JAZF1: variants seen among roughly 807,000 people sequenced by gnomAD.
JAZF1 encodes the protein juxtaposed with another zinc finger protein 1.
A neutral mutation model predicts 26.4 loss-of-function variants in JAZF1; 8 were observed. The observed-to-expected ratio is 0.30, with a 90% CI of 0.18 to 0.55. JAZF1 has a LOEUF of 0.55. Among genes scored for constraint, JAZF1 ranks in the 20% least tolerant of loss-of-function variants. The pLI is 0.94. For missense variants in JAZF1, 199 were observed against 322.0 expected (o/e 0.62, Z 2.92); for synonymous variants, 126 against 122.3 (o/e 1.03, Z -0.20).
rs563907419 is a variant in JAZF1, at chr7:27,901,763, G to A, written c.189-6347C>T. Among the ~76,000 whole-genome samples the A allele has an allele frequency of 4.6e-5, 7 of 152,294 alleles. No homozygotes were observed. The South Asian group carries it at 1.5e-3, about 32-fold the overall frequency. ...AAACTGGTGGCCTCCGGGAGTCACT[G>A]TATTCACTTTTGTGGTCCTAGTTTT... On this transcript the variant is annotated intron_variant, in intron 2 of 4. Transcript: ENST00000283928.
At chr7:27,915,264 G>C (rs1784426989) in intron 2 of JAZF1, among the ~76,000 whole-genome samples, 1 of 152,146 alleles carries the variant, frequency 6.6e-6, no homozygotes, top group South Asian at 2.1e-4. Context: ...TGTTTCAAAA[G>C]GGGGCTGTAA....
chr7:28,103,456 A>C (rs953825574), intron 1 of JAZF1, among the ~76,000 whole-genome samples: 2 of 152,020 alleles, frequency 1.3e-5, no homozygotes, highest in Non-Finnish European at 2.9e-5. Context: ...ATCCATCTCT[A>C]AAATATTTTT....
chr7:28,154,062 G>A (rs1783146217), intron 1 of JAZF1, among the ~76,000 whole-genome samples: 1 of 152,140 alleles, frequency 6.6e-6, no homozygotes, highest in Non-Finnish European at 1.5e-5. Flanking sequence ...GGGATGAAGA[G>A]GTACACATGA....
chr7:27,970,558 T>C (rs1040854513), intron 2 of JAZF1, among the ~76,000 whole-genome samples: 1 of 152,226 alleles, frequency 6.6e-6, no homozygotes, highest in Non-Finnish European at 1.5e-5. Flanking sequence ...GTCACAGTAT[T>C]TTTACAGTAT....
At chr7:27,892,853 A>C (rs1384904792) in intron 3 of JAZF1, among the ~76,000 whole-genome samples, 1 of 152,244 alleles carries the variant, frequency 6.6e-6, no homozygotes, top group Non-Finnish European at 1.5e-5. Flanking sequence ...CAGATGAAAG[A>C]AATGAACATT....
chr7:27,982,086 A>C (rs1377646232), intron 2 of JAZF1, among the ~76,000 whole-genome samples: 2 of 152,330 alleles, frequency 1.3e-5, no homozygotes, highest in African/African-American at 4.8e-5. Context: ...TTTCCAACTG[A>C]GGTACTGGGT....
chr7:27,904,669 G>A (rs1258765214), intron 2 of JAZF1, among the ~76,000 whole-genome samples: 1 of 151,906 alleles, frequency 6.6e-6, no homozygotes, highest in East Asian at 1.9e-4. Flanking sequence ...CAGTATCACC[G>A]AAACTCTGAG....
chr7:27,964,191 G>A (rs1785234149), intron 2 of JAZF1, among the ~76,000 whole-genome samples: 1 of 152,086 alleles, frequency 6.6e-6, no homozygotes, highest in Admixed American at 6.5e-5. Flanking sequence ...TGTAACATCT[G>A]TATCCTTTTT....
intron 3 of JAZF1, among the ~76,000 whole-genome samples, chr7:27,844,744 C>T (rs768548583): frequency 2.6e-5 from 4 of 152,326 alleles, no homozygotes; most frequent in African/African-American, 7.2e-5. Flanking sequence ...ACCCCCTTCT[C>T]GCACCTCACT....
chr7:27,879,190 C>T (rs548966136), intron 3 of JAZF1, among the ~76,000 whole-genome samples: 2 of 152,172 alleles, frequency 1.3e-5, no homozygotes, highest in Non-Finnish European at 2.9e-5. Context: ...GAGGGTAAGG[C>T]CAATCTTTGA....
chr7:28,114,857 G>A (rs1199073236), intron 1 of JAZF1, among the ~76,000 whole-genome samples: 1 of 151,870 alleles, frequency 6.6e-6, no homozygotes, highest in East Asian at 1.9e-4. Context: ...TTATAGATGA[G>A]TAGGAATTTT....
At chr7:28,117,201 T>A (rs574553111) in intron 1 of JAZF1, among the ~76,000 whole-genome samples, 1 of 152,352 alleles carries the variant, frequency 6.6e-6, no homozygotes, top group South Asian at 2.1e-4. Flanking sequence ...GGCATTTTTT[T>A]AATCAGGTAA....
At position 28,151,937 on chromosome 7, in the gene JAZF1, T is replaced by C. The variant is rs1051326937; in HGVS notation, c.115+28526A>G. On this transcript the variant is annotated intron_variant, in intron 1 of 4. Coordinates refer to ENST00000283928, the MANE Select transcript of JAZF1 (RefSeq NM_175061.4). ...AAAAACAAAAAAGAATTGTGGCTCA[T>C]GTTGACATATACTTAATAATTATTT... Among the ~76,000 whole-genome samples, 5 of 152,382 alleles carry C rather than the reference T, an allele frequency of 3.3e-5. No homozygotes were observed. The South Asian group carries it at 1.0e-3, about 32-fold the overall frequency.
At chr7:27,880,866 C>CT (rs1783757054) in intron 3 of JAZF1, among the ~76,000 whole-genome samples, 2 of 152,164 alleles carry the variant, frequency 1.3e-5, no homozygotes, top group African/African-American at 4.8e-5. Context: ...CAGGGTCCCC[C>CT]TGTGTTACCG....
At chr7:28,152,056 C>A (rs1419725693) in intron 1 of JAZF1, among the ~76,000 whole-genome samples, 2 of 152,150 alleles carry the variant, frequency 1.3e-5, no homozygotes, top group Non-Finnish European at 2.9e-5. Context: ...TAGTTTCGTC[C>A]TCACATGATG....
At chr7:27,874,070 G>A (rs1783631086) in intron 3 of JAZF1, among the ~76,000 whole-genome samples, 1 of 152,206 alleles carries the variant, frequency 6.6e-6, no homozygotes, top group South Asian at 2.1e-4. Context: ...CATTTATTTG[G>A]AGGAATCTTA....
intron 2 of JAZF1, among the ~76,000 whole-genome samples, chr7:27,964,929 G>T (rs1376791918): frequency 6.6e-6 from 1 of 152,088 alleles, no homozygotes; most frequent in Non-Finnish European, 1.5e-5. Flanking sequence ...GGAATTTATT[G>T]CGGTATCTGT....
rs75883923 is a variant in JAZF1 at position 28,159,825 on chromosome 7, C to G, written c.115+20638G>C. Among the ~76,000 whole-genome samples the G allele has an allele frequency of 3.7e-3, 560 of 152,230 alleles. 1 individual carries two copies. The highest frequency in any genetic ancestry group is 0.01 in the Middle Eastern group (3 of 294). ...TGTAGACTGCATAAAAACGGGGAGT[C>G]TAGATTCTCATACTTCACTCCTGGT... is the stretch of plus-strand genomic sequence containing the variant. On this transcript the variant is annotated intron_variant, in intron 1 of 4. Transcript: ENST00000283928.
In JAZF1 at chr7:27,935,455, G is replaced by A. The variant is rs1485169609; in HGVS notation, c.189-40039C>T. Among the ~76,000 whole-genome samples, 3 of 152,274 alleles carry A rather than the reference G, an allele frequency of 2.0e-5. No individual in the cohort carries two copies. In the East Asian group the frequency reaches 5.8e-4, roughly 29 times the overall value. ...AAATGAAAGCAGCCAGACACTTTAG[G>A]TCACATATGATTCCACGTGTATGAA... On this transcript the variant is annotated intron_variant, in intron 2 of 4. Transcript: ENST00000283928.
Sources: allele counts gnomAD v4.1 joint callset (sites outside exome capture counted in the v4.1 genomes callset), GRCh38; gene constraint gnomAD v4.1.1; transcripts MANE v1.5; gene names NCBI Gene and HGNC (gene_info 2026-07-23, HGNC 2026-07-21).